The following TASP1 variants were observed in gnomAD, a reference collection of about 807,000 sequenced individuals.
TASP1 encodes the protein threonine aspartase 1.
TASP1 carries 16 observed loss-of-function variants against 56.6 expected under a neutral mutation model. The observed-to-expected ratio is 0.28, with a 90% confidence interval of 0.19 to 0.43. The LOEUF is 0.43. Among genes scored for constraint, TASP1 ranks in the 20% least tolerant of loss-of-function variants. The pLI is 1.00. For synonymous variants in TASP1, 179 were observed against 184.2 expected, an observed-to-expected ratio of 0.97 and a Z score of 0.23; for missense variants, 393 against 511.6, an observed-to-expected ratio of 0.77 and a Z score of 2.24.
intron 4 of TASP1, among the ~76,000 whole-genome samples, chr20:13,606,635 G>A (rs113844373): frequency 6.6e-6 from 1 of 151,842 alleles, no homozygotes; most frequent in Non-Finnish European, 1.5e-5. Context: ...GTGAAACCCC[G>A]TATCTACTAA....
the TASP1 span, among the ~76,000 whole-genome samples, chr20:13,148,418 A>G: frequency 6.6e-6 from 1 of 152,140 alleles, no homozygotes; most frequent in Non-Finnish European, 1.5e-5. Flanking sequence ...AACCACCCTC[A>G]GGGGTGGGGT....
the TASP1 span, among the ~76,000 whole-genome samples, chr20:13,353,635 G>A: frequency 6.6e-6 from 1 of 152,022 alleles, no homozygotes; most frequent in African/African-American, 2.4e-5. Flanking sequence ...TGGGTGATTT[G>A]CCCCCTACTG....
the TASP1 span, among the ~76,000 whole-genome samples, chr20:13,272,762 ATAG>A: frequency 6.6e-6 from 1 of 152,204 alleles, no homozygotes; most frequent in Non-Finnish European, 1.5e-5. Flanking sequence ...ACCCTTTGGA[ATAG>A]GTGCAGATTG....
At chr20:13,493,921 A>G (rs1043929118) in intron 10 of TASP1, among the ~76,000 whole-genome samples, 3 of 152,178 alleles carry the variant, frequency 2.0e-5, no homozygotes, top group Non-Finnish European at 2.9e-5. Context: ...AGCATCAGGG[A>G]CAAATGAACC....
chr20:13,130,707 G>T, the TASP1 span, among the ~76,000 whole-genome samples: 2 of 152,216 alleles, frequency 1.3e-5, no homozygotes, highest in East Asian at 3.9e-4. Context: ...TCACTCTGAG[G>T]AGTGCAGTGA....
chr20:13,395,435 G>A (rs1283208422), intron 13 of TASP1, among the ~76,000 whole-genome samples: 2 of 152,110 alleles, frequency 1.3e-5, no homozygotes, highest in African/African-American at 4.8e-5. Context: ...TTTTCAAATT[G>A]CTGAGTCATA....
intron 10 of TASP1, among the ~76,000 whole-genome samples, chr20:13,521,079 A>G (rs2044732981): frequency 1.3e-5 from 2 of 152,244 alleles, no homozygotes; most frequent in Non-Finnish European, 2.9e-5. Context: ...ATGAGATACC[A>G]TCTCACACCA....
the TASP1 span, among the ~76,000 whole-genome samples, chr20:13,383,158 G>A: frequency 2.0e-5 from 3 of 152,332 alleles, no homozygotes; most frequent in East Asian, 5.8e-4. Flanking sequence ...GGAACTCTGG[G>A]ACAAGGTGTA....
chr20:13,164,309 G>A, the TASP1 span: 3 of 471,254 alleles, frequency 6.4e-6, no homozygotes, highest in Admixed American at 7.1e-5. Flanking sequence ...AGAGGACAGA[G>A]GATGATGTTA....
chr20:13,600,744 A>T (rs963993570), intron 4 of TASP1: 3 of 152,144 alleles, frequency 2.0e-5, no homozygotes, highest in South Asian at 2.1e-4. Flanking sequence ...AAAAGCAATT[A>T]AAAAAAGCAA....
intron 12 of TASP1, among the ~76,000 whole-genome samples, chr20:13,426,569 GGAAA>G (rs1267549251): frequency 1.3e-5 from 2 of 152,028 alleles, no homozygotes; most frequent in Non-Finnish European, 2.9e-5. Context: ...ATGATTTAAA[GGAAA>G]GAAAGTCCTG....
At chr20:13,517,756 C>G (rs1425509383) in intron 10 of TASP1, among the ~76,000 whole-genome samples, 1 of 152,046 alleles carries the variant, frequency 6.6e-6, no homozygotes, top group Non-Finnish European at 1.5e-5. Flanking sequence ...TGGCATAATT[C>G]AGAATTCTAC....
chr20:13,503,130 G>A (rs1268999021), intron 10 of TASP1, among the ~76,000 whole-genome samples: 1 of 152,078 alleles, frequency 6.6e-6, no homozygotes. Context: ...GAAGGAAGGG[G>A]AGGGAGGCCC....
chr20:13,456,650 T>C (rs2043849007), intron 11 of TASP1, among the ~76,000 whole-genome samples: 1 of 152,140 alleles, frequency 6.6e-6, no homozygotes. Context: ...ATATTTTTAA[T>C]TCCATTTTTC....
chr20:13,399,885 C>G (rs1257373559), intron 13 of TASP1, among the ~76,000 whole-genome samples: 1 of 152,208 alleles, frequency 6.6e-6, no homozygotes, highest in African/African-American at 2.4e-5. Context: ...GGCCTTCTCA[C>G]TGTCCCTCCA....
At chr20:13,212,553 TGTGA>T in the TASP1 span, among the ~76,000 whole-genome samples, 3 of 152,200 alleles carry the variant, frequency 2.0e-5, no homozygotes, top group East Asian at 5.8e-4. Flanking sequence ...TTTCAATCTT[TGTGA>T]GTAACCAAAA....
chr20:13,226,111 T>C, the TASP1 span, among the ~76,000 whole-genome samples: 59 of 152,332 alleles, frequency 3.9e-4, no homozygotes, highest in South Asian at 0.012. Flanking sequence ...AATTTGATTA[T>C]TTTTACAATA....
At chr20:13,598,658 G>A (rs1464006274) in intron 4 of TASP1, among the ~76,000 whole-genome samples, 2 of 152,142 alleles carry the variant, frequency 1.3e-5, no homozygotes, top group Non-Finnish European at 2.9e-5. Context: ...AAAAGCAATG[G>A]CAACAAAAGC....
the TASP1 span, among the ~76,000 whole-genome samples, chr20:13,313,075 GTTC>G: frequency 2.0e-5 from 3 of 152,134 alleles, no homozygotes; most frequent in African/African-American, 4.8e-5. Context: ...TCACCAGTCA[GTTC>G]TTCTTTGGGC....
Sources: gnomAD v4.1 joint callset for allele counts (sites outside exome capture counted in the v4.1 genomes callset) on GRCh38, gnomAD v4.1.1 for gene constraint, MANE v1.5 for transcripts, NCBI Gene and HGNC (gene_info 2026-07-23, HGNC 2026-07-21) for gene names.